Variants in COL21A1 observed in about 807,000 individuals in gnomAD.
COL21A1 encodes the protein collagen alpha-1(XXI) chain.
In COL21A1, 149 loss-of-function variants were observed where a neutral mutation model predicts 137.9. The observed-to-expected ratio is 1.08, with a 90% CI of 0.95 to 1.24. COL21A1 has a LOEUF of 1.24. COL21A1 is among the 50% of genes most tolerant of loss of function. The probability of loss-of-function intolerance (pLI) is 0.00; values close to 1 mark genes in which losing one functional copy is unlikely to be tolerated. For missense variants in COL21A1, 1,167 were observed against 1,158.4 expected, an observed-to-expected ratio of 1.01 and a Z score of -0.11; for synonymous variants, 456 against 391.5, an observed-to-expected ratio of 1.16 and a Z score of -1.95.
intron 1 of COL21A1, among the ~76,000 whole-genome samples, chr6:56,219,971 A>G (rs1780731095): frequency 6.6e-6 from 1 of 152,152 alleles, no homozygotes; most frequent in Non-Finnish European, 1.5e-5. Flanking sequence ...TTTACTACAA[A>G]TTATCCTGTT....
chr6:56,374,029 G>C (rs2093994731), intron 1 of COL21A1, among the ~76,000 whole-genome samples: 1 of 152,168 alleles, frequency 6.6e-6, no homozygotes, highest in Non-Finnish European at 1.5e-5. Context: ...ATTTTAAAAG[G>C]AGTGTGTCTC....
intron 9 of COL21A1, among the ~76,000 whole-genome samples, chr6:56,159,634 C>T (rs1383535255): frequency 2.0e-4 from 25 of 123,538 alleles, no homozygotes; most frequent in East Asian, 4.7e-4. Context: ...CCTGGCCTTA[C>T]TTTTTTTTTT....
Position 56,343,809 on chromosome 6 carries a change from G to A in COL21A1, c.-39+50162C>T, listed in dbSNP as rs1249471187. On this transcript the variant is annotated intron_variant, in intron 1 of 28. Transcript: ENST00000370819. ...AATTTAAAAATTAGCCAGGCGTGGT[G>A]GCATGCACCTGTAGTCCCAGCTACT... is the stretch of plus-strand genomic sequence containing the variant. 3.9e-5 allele frequency among the ~76,000 whole-genome samples: 6 copies of A among 152,156 alleles called. No homozygotes were observed. The East Asian group carries it at 1.2e-3, about 29-fold the overall frequency.
chr6:56,130,936 T>C (rs1291194171), intron 12 of COL21A1, among the ~76,000 whole-genome samples: 1 of 152,184 alleles, frequency 6.6e-6, no homozygotes, highest in African/African-American at 2.4e-5. Context: ...AGAGATAAAG[T>C]TGGGCCAAAG....
intron 10 of COL21A1, among the ~76,000 whole-genome samples, chr6:56,144,516 TA>T (rs1186198673): frequency 6.6e-6 from 1 of 152,234 alleles, no homozygotes; most frequent in Non-Finnish European, 1.5e-5. Flanking sequence ...TTTAATGAAT[TA>T]TTTTTCTTTT....
At chr6:56,332,197 T>C (rs981781428) in intron 1 of COL21A1, 1 of 152,072 alleles carries the variant, frequency 6.6e-6, no homozygotes, top group African/African-American at 2.4e-5. Flanking sequence ...GGTCATTTGA[T>C]GAGAGTTGTG....
chr6:56,297,639 G>T (rs558895557), intron 1 of COL21A1, among the ~76,000 whole-genome samples: 20 of 152,148 alleles, frequency 1.3e-4, no homozygotes, highest in African/African-American at 4.6e-4. Flanking sequence ...GAATCACTTG[G>T]TTTTTTATTG....
At chr6:56,224,961 A>G (rs774445786) in intron 1 of COL21A1, among the ~76,000 whole-genome samples, 25 of 152,192 alleles carry the variant, frequency 1.6e-4, no homozygotes, top group Admixed American at 3.3e-4. Flanking sequence ...GCAAGATACC[A>G]TGCATGCAGT....
upstream of COL21A1, among the ~76,000 whole-genome samples, chr6:56,250,406 ATCCAT>A: frequency 6.6e-6 from 1 of 152,230 alleles, no homozygotes; most frequent in South Asian, 2.1e-4. Context: ...GAAAGCTATC[ATCCAT>A]GTAATGAACT....
intron 1 of COL21A1, among the ~76,000 whole-genome samples, chr6:56,348,270 T>C (rs1765637638): frequency 6.6e-6 from 1 of 152,164 alleles, no homozygotes; most frequent in Admixed American, 6.5e-5. Flanking sequence ...TAAGGGCACA[T>C]AGCTGTGGCT....
chr6:56,108,025 C>A (rs529785019), intron 16 of COL21A1, among the ~76,000 whole-genome samples: 2 of 151,894 alleles, frequency 1.3e-5, no homozygotes, highest in South Asian at 4.2e-4. Context: ...AGAGTTGATG[C>A]TCAAGGTATG....
intron 16 of COL21A1, among the ~76,000 whole-genome samples, chr6:56,109,067 TCAAA>T (rs1352408068): frequency 2.0e-5 from 3 of 151,054 alleles, no homozygotes; most frequent in South Asian, 2.1e-4. Context: ...GGGATACAAC[TCAAA>T]CAAAGATGAG....
chr6:56,111,641 A>G (rs780011884), intron 16 of COL21A1, among the ~76,000 whole-genome samples: 5 of 151,850 alleles, frequency 3.3e-5, no homozygotes, highest in Non-Finnish European at 7.4e-5. Context: ...AGGTGGGTGA[A>G]TCACCTGAGG....
At chr6:56,078,573 GTCT>G (rs1210886463) in intron 17 of COL21A1, among the ~76,000 whole-genome samples, 3 of 151,642 alleles carry the variant, frequency 2.0e-5, no homozygotes, top group Non-Finnish European at 4.4e-5. Context: ...GAGATCAAGT[GTCT>G]TCTTCTATTG....
intron 9 of COL21A1, among the ~76,000 whole-genome samples, chr6:56,159,325 C>A (rs1776017840): frequency 7.0e-6 from 1 of 143,086 alleles, no homozygotes. Flanking sequence ...GTAGCAAAGT[C>A]TGAATTACAT....
chr6:56,249,574 T>C (rs932965051), upstream of COL21A1, among the ~76,000 whole-genome samples: 1 of 152,212 alleles, frequency 6.6e-6, no homozygotes, highest in Admixed American at 6.5e-5. Flanking sequence ...TGGTTGAACC[T>C]GAGCATGTTA....
chr6:56,253,028 A>G (rs962715752), intron 1 of COL21A1, among the ~76,000 whole-genome samples: 1 of 152,232 alleles, frequency 6.6e-6, no homozygotes, highest in African/African-American at 2.4e-5. Context: ...TATGTATTCT[A>G]TCTAAGAAAA....
At chr6:56,139,932 A>G (rs1360375591) in intron 12 of COL21A1, among the ~76,000 whole-genome samples, 4 of 152,144 alleles carry the variant, frequency 2.6e-5, no homozygotes, top group African/African-American at 9.7e-5. Context: ...AATACCCTAG[A>G]TATAATTATG....
intron 3 of COL21A1, among the ~76,000 whole-genome samples, chr6:56,173,477 C>G: frequency 6.8e-6 from 1 of 148,020 alleles, no homozygotes; most frequent in South Asian, 2.1e-4. Flanking sequence ...GAAAAGGACT[C>G]ACTTTAAATT....
Sources: allele counts gnomAD v4.1 joint callset (sites outside exome capture counted in the v4.1 genomes callset), GRCh38; gene constraint gnomAD v4.1.1; transcripts MANE v1.5; gene names NCBI Gene and HGNC (gene_info 2026-07-23, HGNC 2026-07-21).